ZNF354B: variants seen among roughly 807,000 people sequenced by gnomAD.
ZNF354B encodes the protein zinc finger protein 354B.
Under a neutral mutation model 12.9 loss-of-function variants are expected in ZNF354B, and 10 were observed. That is an observed-to-expected ratio of 0.77 (90% CI 0.48 to 1.31). ZNF354B has a LOEUF of 1.31. Ranked by LOEUF, ZNF354B falls within the 40% of genes most tolerant of loss-of-function variation. The probability of loss-of-function intolerance (pLI) is 0.00; values close to 1 mark genes in which losing one functional copy is unlikely to be tolerated. For synonymous variants in ZNF354B, 260 were observed against 243.7 expected (o/e 1.07, Z -0.62); for missense variants, 614 against 711.7 (o/e 0.86, Z 1.56).
chr5:178,869,190 A>G (rs1757516797), intron 4 of ZNF354B, among the ~76,000 whole-genome samples: 1 of 152,178 alleles, frequency 6.6e-6, no homozygotes, highest in Non-Finnish European at 1.5e-5. Flanking sequence ...TGACCGCCAC[A>G]GTGCAGGGCT....
Position 178,867,072 on chromosome 5 carries a change from G to T in ZNF354B, c.256+1G>T. The T allele has an allele frequency of 1.9e-6, 3 of 1,612,514 alleles. No homozygotes were observed. Among genetic ancestry groups the T allele is most frequent in the Non-Finnish European group, 2.5e-6 (3 of 1,179,616 alleles). Reference sequence around the variant, plus strand: ...GACAGTTCTGGTGTCTCCTCTCTAGGTAAGTGGGTGGCCCGAGGTGCTCGG... The same window carrying T: ...GACAGTTCTGGTGTCTCCTCTCTAGTTAAGTGGGTGGCCCGAGGTGCTCGG... On this transcript the variant is annotated splice_donor_variant, in intron 4 of 4. Transcript: ENST00000322434. LOFTEE classifies it high-confidence loss of function.
Position 178,868,675 on chromosome 5 carries a change from A to G in ZNF354B, c.256+1604A>G, listed in dbSNP as rs114438925. ...AAGGACTGAAGAATTGCTCAGGCCTAAAGAATGGTGTTTGTGGCCGGGCAC... is the reference window on the plus strand; with the variant it reads ...AAGGACTGAAGAATTGCTCAGGCCTGAAGAATGGTGTTTGTGGCCGGGCAC... On this transcript the variant is annotated intron_variant, in intron 4 of 4. Transcript: ENST00000322434. Among the ~76,000 whole-genome samples, 1,013 of 152,276 alleles carry G rather than the reference A, an allele frequency of 6.7e-3. 12 individuals are homozygous for G. Among genetic ancestry groups the G allele is most frequent in the African/African-American group, 0.023 (963 of 41,566 alleles).
At position 178,882,848 on chromosome 5, in the gene ZNF354B, G is replaced by A. The variant is rs1441772836; in HGVS notation, c.396G>A (p.Lys132=). ...CCTGCATATATGAAGAGAAATTAAA[G>A]AAACAGCAGGACAAAAATGAAAATT... ...ERSCIYEEKL[K]KQQDKNENLQ... is the part of the protein sequence containing the mutation. Residue 132 remains lysine, a synonymous_variant, in exon 5 of 5, where the codon AAG becomes AAA. Transcript: ENST00000322434. The A allele has an allele frequency of 2.5e-6, 4 of 1,607,354 alleles. No homozygotes were observed. Among genetic ancestry groups the A allele is most frequent in the Admixed American group, 1.7e-5 (1 of 58,538 alleles).
chr5:178,861,155 T>G (rs1283200987), intron 2 of ZNF354B, 75 bp downstream of exon 2: 1 of 719,552 alleles, frequency 1.4e-6, no homozygotes, highest in Non-Finnish European at 2.5e-6. Context: ...CGGGACCATC[T>G]CCAGCCAGGA....
At chr5:178,872,168 AATCACT>A (rs942161715) in intron 4 of ZNF354B, among the ~76,000 whole-genome samples, 4 of 152,146 alleles carry the variant, frequency 2.6e-5, no homozygotes, top group African/African-American at 9.7e-5. Context: ...AAGTCCTGAT[AATCACT>A]AATGTGTTCT....
chr5:178,883,089 C>T lies in ZNF354B; in HGVS notation c.637C>T (p.Arg213Cys), dbSNP rs748434363. The T allele has an allele frequency of 1.2e-5, 19 of 1,607,546 alleles. No individual in the cohort carries two copies. The highest frequency in any genetic ancestry group is 1.0e-4 in the South Asian group (9 of 88,892). ...NQSKIKTAEK[R>C]YKCSTCEKAF... is the part of the protein sequence containing the mutation. ...ATCAAAAATCAAAACAGCAGAGAAA[C>T]GCTATAAATGCAGTACATGTGAAAA... Residue 213 changes from arginine (R) to cysteine (C), a missense_variant, in exon 5 of 5, where the codon CGC becomes TGC. By Grantham distance (180) the Arg-to-Cys change is radical (BLOSUM62 -3). Transcript: ENST00000322434.
chr5:178,881,645 T>TGAG (rs1757719515), intron 4 of ZNF354B, among the ~76,000 whole-genome samples: 1 of 151,342 alleles, frequency 6.6e-6, no homozygotes. Flanking sequence ...CTTCAGTGAG[T>TGAG]TTTATCATTC....
chr5:178,866,901 C>T (rs952596911), intron 3 of ZNF354B, 75 bp from the exon 4 acceptor site: 46 of 1,431,684 alleles, frequency 3.2e-5, no homozygotes, highest in Admixed American at 1.1e-4. Flanking sequence ...CCACGGTTAC[C>T]CTAATAATCA....
At position 178,883,903 on chromosome 5, in the gene ZNF354B, A is replaced by G; in HGVS notation, c.1451A>G (p.His484Arg). The change falls in exon 5 of 5, where the codon CAT becomes CGT. Residue 484 changes from histidine to arginine, a missense_variant. Transcript: ENST00000322434. ...AFRQSSALIQ[H>R]QRMHTGERPY... ...AGACAGAGTTCCGCTCTCATTCAAC[A>G]TCAGAGAATGCATACTGGAGAAAGA... 1 of 1,614,146 alleles carries G rather than the reference A, an allele frequency of 6.2e-7. No individual in the cohort carries two copies.
At chr5:178,866,733 C>T (rs1757464203) in intron 3 of ZNF354B, among the ~76,000 whole-genome samples, 2 of 152,156 alleles carry the variant, frequency 1.3e-5, no homozygotes, top group African/African-American at 4.8e-5. Flanking sequence ...TTTCCCACTG[C>T]TCCTTTGCAG....
intron 4 of ZNF354B, among the ~76,000 whole-genome samples, chr5:178,876,233 T>A (rs1435561633): frequency 6.6e-6 from 1 of 152,164 alleles, no homozygotes; most frequent in Non-Finnish European, 1.5e-5. Context: ...GAGTCCCAGG[T>A]CGGGAGGCCC....
At chr5:178,865,315 T>C (rs1015682451) in intron 2 of ZNF354B, among the ~76,000 whole-genome samples, 2 of 152,166 alleles carry the variant, frequency 1.3e-5, no homozygotes, top group African/African-American at 4.8e-5. Context: ...GTTTCCAGGC[T>C]GGAGTGCAGT....
intron 4 of ZNF354B, among the ~76,000 whole-genome samples, chr5:178,879,568 G>C (rs1289094111): frequency 6.6e-6 from 1 of 151,682 alleles, no homozygotes; most frequent in Non-Finnish European, 1.5e-5. Flanking sequence ...TAGAAGAGAG[G>C]GGGTTTCACC....
chr5:178,865,661 G>A (rs1757436509), intron 2 of ZNF354B, among the ~76,000 whole-genome samples: 1 of 152,172 alleles, frequency 6.6e-6, no homozygotes, highest in Non-Finnish European at 1.5e-5. Flanking sequence ...AATTGTGAAG[G>A]TTAGATACAG....
At chr5:178,870,172 T>C (rs892136465) in intron 4 of ZNF354B, among the ~76,000 whole-genome samples, 7 of 151,910 alleles carry the variant, frequency 4.6e-5, no homozygotes, top group African/African-American at 1.7e-4. Flanking sequence ...AGAAAAAAAA[T>C]ATTTTAGACA....
intron 1 of ZNF354B, 152 bp from the exon 2 acceptor site, chr5:178,860,845 C>A: frequency 2.1e-6 from 1 of 477,598 alleles, no homozygotes; most frequent in Non-Finnish European, 3.8e-6. Context: ...GCCGGGCGGC[C>A]CAGCGCTGCT....
rs372827249 is a variant in ZNF354B at position 178,882,741 on chromosome 5, A to C, written c.289A>C (p.Thr97Pro). ...GAGCACACCTAAAATGACAAAGTCA[A>C]CTCAAACTCAGGATTCATTTCAGGA... ...CKSTPKMTKS[T>P]QTQDSFQEQI... Residue 97 changes from threonine (T) to proline (P), a missense_variant, in exon 5 of 5, where the codon ACT becomes CCT. Coordinates refer to ENST00000322434, the MANE Select transcript of ZNF354B (RefSeq NM_058230.3). 9.5e-6 allele frequency: 15 copies of C among 1,572,510 alleles called. No individual in the cohort carries two copies. The highest frequency in any genetic ancestry group is 4.5e-5 in the East Asian group (2 of 44,508).
At chr5:178,874,512 T>A (rs1052548153) in intron 4 of ZNF354B, among the ~76,000 whole-genome samples, 1 of 152,246 alleles carries the variant, frequency 6.6e-6, no homozygotes. Context: ...TCTGAGATTT[T>A]TTCCTCAGCT....
At chr5:178,872,185 C>T (rs920684975) in intron 4 of ZNF354B, among the ~76,000 whole-genome samples, 2 of 152,134 alleles carry the variant, frequency 1.3e-5, no homozygotes, top group Non-Finnish European at 2.9e-5. Context: ...AATGTGTTCT[C>T]CGTTCTATAA....
Sources: allele counts gnomAD v4.1 joint callset (sites outside exome capture counted in the v4.1 genomes callset), GRCh38; gene constraint gnomAD v4.1.1; transcripts MANE v1.5; gene names NCBI Gene and HGNC (gene_info 2026-07-23, HGNC 2026-07-21).